ADGRL2: variants seen among roughly 807,000 people sequenced by gnomAD.
The protein encoded by ADGRL2 is adhesion G protein-coupled receptor L2.
In ADGRL2, 44 loss-of-function variants were observed where a neutral mutation model predicts 157.4. That is an observed-to-expected ratio of 0.28 (90% CI 0.22 to 0.36). ADGRL2 has a LOEUF of 0.36. Among genes scored for constraint, ADGRL2 ranks in the 10% least tolerant of loss-of-function variants. The probability of loss-of-function intolerance (pLI) is 1.00; values close to 1 mark genes in which losing one functional copy is unlikely to be tolerated. For missense variants in ADGRL2, 1,510 were observed against 1,768.9 expected (o/e 0.85, Z 2.63); for synonymous variants, 585 against 624.7 (o/e 0.94, Z 0.95).
At chr1:81,980,858 T>C in intron 18 of ADGRL2, 1 of 665,448 alleles carries the variant, frequency 1.5e-6, no homozygotes, top group Non-Finnish European at 2.8e-6. Context: ...GAACCCTACA[T>C]TAACAAATTT....
chr1:81,461,286 T>C (rs561871618), intron 2 of ADGRL2, among the ~76,000 whole-genome samples: 1 of 152,162 alleles, frequency 6.6e-6, no homozygotes, highest in African/African-American at 2.4e-5. Flanking sequence ...CTTTTCTTTT[T>C]TTTTTCCTTT....
chr1:81,423,992 T>C (rs2077169830), intron 1 of ADGRL2, among the ~76,000 whole-genome samples: 2 of 152,240 alleles, frequency 1.3e-5, no homozygotes, highest in African/African-American at 2.4e-5. Flanking sequence ...TTCTTATCTA[T>C]AATAGTTAAG....
intron 1 of ADGRL2, among the ~76,000 whole-genome samples, chr1:81,333,107 C>T (rs910118797): frequency 6.6e-6 from 1 of 152,070 alleles, no homozygotes; most frequent in Non-Finnish European, 1.5e-5. Flanking sequence ...TAAAGTGAGG[C>T]TATTGGAATA....
chr1:81,632,562 T>A (rs903383779), intron 3 of ADGRL2, among the ~76,000 whole-genome samples: 1 of 151,928 alleles, frequency 6.6e-6, no homozygotes, highest in Non-Finnish European at 1.5e-5. Context: ...ATCGAGACCA[T>A]CCTGGCTAAC....
intron 2 of ADGRL2, among the ~76,000 whole-genome samples, chr1:81,483,030 C>T (rs1312835618): frequency 6.6e-6 from 1 of 151,682 alleles, no homozygotes; most frequent in East Asian, 1.9e-4. Flanking sequence ...TTAATTTGTT[C>T]CTAAACATGC....
At chr1:81,405,436 G>A (rs1001346960) in intron 1 of ADGRL2, among the ~76,000 whole-genome samples, 2 of 152,124 alleles carry the variant, frequency 1.3e-5, no homozygotes, top group African/African-American at 4.8e-5. Flanking sequence ...GGGAGACAAA[G>A]GTGGGAGGAT....
chr1:81,918,140 G>A (rs1001738799), intron 3 of ADGRL2, among the ~76,000 whole-genome samples: 6 of 152,108 alleles, frequency 3.9e-5, no homozygotes, highest in South Asian at 2.1e-4. Context: ...TTATTTTTAC[G>A]TGGTTTGTAG....
intron 2 of ADGRL2, chr1:81,501,919 G>A (rs1270661443): frequency 6.2e-7 from 1 of 1,613,710 alleles, no homozygotes; most frequent in Non-Finnish European, 8.5e-7. Flanking sequence ...CCCAAAAGCT[G>A]GTCACGCAGC....
intron 3 of ADGRL2, among the ~76,000 whole-genome samples, chr1:81,632,754 CAA>C (rs34612206): frequency 1.7e-4 from 19 of 112,106 alleles, no homozygotes; most frequent in East Asian, 2.2e-4. Flanking sequence ...GACTCCGTCT[CAA>C]AAAAAAAAAA....
chr1:81,402,799 C>T (rs1200868843), intron 1 of ADGRL2, among the ~76,000 whole-genome samples: 1 of 152,158 alleles, frequency 6.6e-6, no homozygotes, highest in Admixed American at 6.5e-5. Context: ...GCATGTGCAC[C>T]AGTCTTTATT....
chr1:81,610,348 A>G (rs1381987795), intron 3 of ADGRL2, among the ~76,000 whole-genome samples: 1 of 150,576 alleles, frequency 6.6e-6, no homozygotes. Context: ...TATTTTGGTG[A>G]ATTGCATTCC....
At chr1:81,778,096 G>A (rs991873570) in intron 2 of ADGRL2, among the ~76,000 whole-genome samples, 21 of 152,114 alleles carry the variant, frequency 1.4e-4, no homozygotes, top group Non-Finnish European at 2.9e-4. Flanking sequence ...TGGGTCGGGC[G>A]TATTACGAGG....
intron 2 of ADGRL2, among the ~76,000 whole-genome samples, chr1:81,544,470 T>A (rs2079965145): frequency 1.3e-5 from 2 of 152,228 alleles, no homozygotes; most frequent in Admixed American, 6.5e-5. Flanking sequence ...TACTTGGATT[T>A]TTCCAAACTC....
intron 2 of ADGRL2, among the ~76,000 whole-genome samples, chr1:81,887,567 A>G (rs1265333121): frequency 6.6e-6 from 1 of 152,218 alleles, no homozygotes; most frequent in Non-Finnish European, 1.5e-5. Context: ...TAAGGAATGC[A>G]GTAAAAATAT....
chr1:81,722,255 T>G (rs1189728848), intron 1 of ADGRL2: 4 of 419,464 alleles, frequency 9.5e-6, no homozygotes, highest in Non-Finnish European at 1.3e-5. Flanking sequence ...ATCGCGCCAC[T>G]GCACTCCAGC....
chr1:81,555,429 T>C (rs1244339384), intron 2 of ADGRL2, among the ~76,000 whole-genome samples: 1 of 151,914 alleles, frequency 6.6e-6, no homozygotes, highest in African/African-American at 2.4e-5. Context: ...CCACCATATC[T>C]GGCTAATTTT....
intron 1 of ADGRL2, among the ~76,000 whole-genome samples, chr1:81,706,226 A>G (rs2083730670): frequency 7.8e-6 from 1 of 127,858 alleles, no homozygotes; most frequent in Admixed American, 8.4e-5. Flanking sequence ...TAAAAACAAA[A>G]AAATAAAAAA....
chr1:81,535,138 G>A (rs2079703376), intron 2 of ADGRL2, among the ~76,000 whole-genome samples: 1 of 152,152 alleles, frequency 6.6e-6, no homozygotes, highest in Non-Finnish European at 1.5e-5. Context: ...TGTGTACAAC[G>A]TAGAAAGAGT....
At chr1:81,340,451 A>G (rs1234812092) in intron 1 of ADGRL2, among the ~76,000 whole-genome samples, 1 of 152,084 alleles carries the variant, frequency 6.6e-6, no homozygotes, top group Non-Finnish European at 1.5e-5. Flanking sequence ...TCTCTTTACT[A>G]GGGTAGCAGG....
Sources: gnomAD v4.1 joint callset for allele counts (sites outside exome capture counted in the v4.1 genomes callset) on GRCh38, gnomAD v4.1.1 for gene constraint, MANE v1.5 for transcripts, NCBI Gene and HGNC (gene_info 2026-07-23, HGNC 2026-07-21) for gene names.